The following TRPV1 variants were observed in gnomAD, a reference collection of about 807,000 sequenced individuals.
The protein encoded by TRPV1 is OTRPC1.
Under a neutral mutation model 82.3 loss-of-function variants are expected in TRPV1, and 82 were observed. The ratio of observed to expected loss-of-function variants is 1.00; its 90% CI spans 0.83 to 1.20. TRPV1 has a LOEUF of 1.20. Ranked by LOEUF, TRPV1 falls within the 50% of genes most tolerant of loss-of-function variation. TRPV1 has a pLI of 0.00. For synonymous variants in TRPV1, 515 were observed against 467.7 expected, an observed-to-expected ratio of 1.10 and a Z score of -1.30; for missense variants, 1,067 against 1,096.8, an observed-to-expected ratio of 0.97 and a Z score of 0.38.
At chr17:3,567,790 G>GA (rs979598643) in intron 16 of TRPV1, among the ~76,000 whole-genome samples, 4 of 150,294 alleles carry the variant, frequency 2.7e-5, no homozygotes, top group Admixed American at 6.6e-5. Context: ...AAAAAAAAAA[G>GA]AAAAAAATTA....
At chr17:3,582,072 C>T (rs1387467524) in intron 10 of TRPV1, among the ~76,000 whole-genome samples, 3 of 149,104 alleles carry the variant, frequency 2.0e-5, no homozygotes, top group Admixed American at 1.4e-4. Context: ...TGCCTGTAGT[C>T]CCAGCTACTC....
chr17:3,589,224 T>TG (rs397830107), intron 7 of TRPV1, among the ~76,000 whole-genome samples: 1 of 150,760 alleles, frequency 6.6e-6, no homozygotes, highest in Non-Finnish European at 1.5e-5. Flanking sequence ...TTTTTTTTTT[T>TG]GAGACAGAGT....
intron 2 of TRPV1, among the ~76,000 whole-genome samples, chr17:3,598,377 C>T (rs769337948): frequency 7.2e-5 from 11 of 152,170 alleles, no homozygotes; most frequent in Non-Finnish European, 1.6e-4. Flanking sequence ...CTCTCGCAGG[C>T]CGTACAGCAA....
intron 5 of TRPV1, among the ~76,000 whole-genome samples, 192 bp downstream of exon 5, chr17:3,590,772 A>G (rs1597543003): frequency 6.6e-6 from 1 of 151,524 alleles, no homozygotes; most frequent in Non-Finnish European, 1.5e-5. Context: ...GGAGGCAGAG[A>G]CCCCCAGGAC....
chr17:3,589,915 C>T lies in TRPV1; in HGVS notation c.936G>A (p.Glu312=). 1 of 1,592,710 alleles carries T rather than the reference C, an allele frequency of 6.3e-7. No individual in the cohort carries two copies. The highest frequency in any genetic ancestry group is 1.1e-5 in the South Asian group (1 of 87,952). ...NTKFVTSMYN[E]ILMLGAKLHP... ...GCAGTTTGGCCCCCAGCATCAGAATCTCATTGTACATGCTCGTCACAAACT... is the reference window on the plus strand; with the variant it reads ...GCAGTTTGGCCCCCAGCATCAGAATTTCATTGTACATGCTCGTCACAAACT... The change falls in exon 7 of 17, where the codon GAG becomes GAA. Residue 312 remains glutamate (E), a synonymous_variant. Coordinates refer to ENST00000572705, the MANE Select transcript of TRPV1 (RefSeq NM_080704.4).
chr17:3,594,764 C>G (rs1021381780), intron 2 of TRPV1, among the ~76,000 whole-genome samples: 1 of 152,204 alleles, frequency 6.6e-6, no homozygotes, highest in Non-Finnish European at 1.5e-5. Context: ...CCCGCTGAGA[C>G]AGAAACCAGG....
chr17:3,592,405 G>A, intron 2 of TRPV1, 22 bp from the exon 3 acceptor site: 2 of 1,524,430 alleles, frequency 1.3e-6, no homozygotes, highest in Non-Finnish European at 1.8e-6. Flanking sequence ...ACCACGCCGG[G>A]GTTGACTCCC....
intron 14 of TRPV1, 93 bp from the exon 15 acceptor site, chr17:3,572,342 T>C (rs2074866153): frequency 1.4e-6 from 2 of 1,471,278 alleles, no homozygotes; most frequent in Non-Finnish European, 1.8e-6. Context: ...CCAGGGGCTC[T>C]CCCAGGCCTA....
intron 2 of TRPV1, among the ~76,000 whole-genome samples, chr17:3,593,885 G>T (rs1225822160): frequency 1.3e-5 from 2 of 152,178 alleles, no homozygotes; most frequent in Admixed American, 6.5e-5. Flanking sequence ...AGCACTTTGG[G>T]AGGCCAAGGC....
Position 3,585,702 on chromosome 17 carries a change from G to A in TRPV1, c.1383+66C>T, listed in dbSNP as rs888357950. 12 of 1,550,668 alleles carry A rather than the reference G, an allele frequency of 7.7e-6. No individual in the cohort carries two copies. The South Asian group carries it at 9.5e-5, about 12-fold the overall frequency. On this transcript the variant is annotated intron_variant, in intron 9 of 16. Transcript: ENST00000572705. ...GGGCCTGGGGTCGGGGAGGTCTCCC[G>A]AAATGTCCACACCCCTTCCCCACCA...
chr17:3,592,966 T>C (rs61032100), intron 2 of TRPV1: 24,107 of 152,910 alleles, frequency 0.16, 6,260 homozygotes, highest in African/African-American at 0.55. Context: ...GGCCTGCCTT[T>C]GCTCTTCAAC....
chr17:3,583,569 A>T, intron 9 of TRPV1, 139 bp from the exon 10 acceptor site: 1 of 732,050 alleles, frequency 1.4e-6, no homozygotes, highest in Non-Finnish European at 2.2e-6. Flanking sequence ...ACAGTGTGTT[A>T]TTAGGGGAGC....
chr17:3,576,668 A>AAAAAAAAAAAAAAAAATATATATAT, intron 13 of TRPV1, among the ~76,000 whole-genome samples: 19 of 38,396 alleles, frequency 4.9e-4, no homozygotes, highest in Non-Finnish European at 7.9e-4. Context: ...AAAAAAAAAA[A>AAAAAAAAAAAAAAAAATATATATAT]ATATATATAT....
intron 10 of TRPV1, among the ~76,000 whole-genome samples, chr17:3,581,308 C>T (rs1424111612): frequency 3.9e-5 from 6 of 151,942 alleles, no homozygotes; most frequent in Admixed American, 3.3e-4. Context: ...TTTAAGTAAG[C>T]GTTAAAATAA....
chr17:3,578,018 C>T (rs2074957602), intron 11 of TRPV1: 1 of 366,586 alleles, frequency 2.7e-6, no homozygotes, highest in Non-Finnish European at 5.1e-6. Context: ...AATATAGTAC[C>T]TAAAGGCCAG....
chr17:3,576,343 C>T (rs1328543091), intron 13 of TRPV1, among the ~76,000 whole-genome samples: 1 of 151,830 alleles, frequency 6.6e-6, no homozygotes, highest in Non-Finnish European at 1.5e-5. Context: ...TATGGTAAAA[C>T]CCCATCTCTA....
chr17:3,587,185 C>T (rs924470625), intron 8 of TRPV1, among the ~76,000 whole-genome samples: 14 of 152,328 alleles, frequency 9.2e-5, no homozygotes, highest in African/African-American at 3.4e-4. Context: ...TGGACCTCTC[C>T]TCTGGGAACA....
intron 14 of TRPV1, among the ~76,000 whole-genome samples, chr17:3,572,814 C>T (rs2074872155): frequency 6.6e-6 from 1 of 152,116 alleles, no homozygotes; most frequent in Non-Finnish European, 1.5e-5. Context: ...GAAACCCCAT[C>T]TCTACTAAAA....
chr17:3,602,103 TGTCCCC>T (rs2075267403), intron 2 of TRPV1: 1 of 152,210 alleles, frequency 6.6e-6, no homozygotes, highest in South Asian at 2.1e-4. Context: ...AGTACAATTT[TGTCCCC>T]GTTTTACTGA....
Sources: gnomAD v4.1 joint callset for allele counts (sites outside exome capture counted in the v4.1 genomes callset) on GRCh38, gnomAD v4.1.1 for gene constraint, MANE v1.5 for transcripts, NCBI Gene and HGNC (gene_info 2026-07-23, HGNC 2026-07-21) for gene names.